Variants in DOK6 observed in about 807,000 individuals in gnomAD.
DOK6 encodes docking protein 6, also known as downstream of tyrosine kinase 6.
DOK6 carries 22 observed loss-of-function variants against 44.0 expected under a neutral mutation model. That is an observed-to-expected ratio of 0.50 (90% confidence interval 0.36 to 0.71). The LOEUF (loss-of-function observed/expected upper bound fraction) is 0.71. Ranked by LOEUF, DOK6 falls within the 30% of genes least tolerant of loss-of-function variation. The pLI, the probability that DOK6 is intolerant of heterozygous loss-of-function variation, is 0.00. For missense variants in DOK6, 340 were observed against 416.4 expected (o/e 0.82, Z 1.60); for synonymous variants, 166 against 145.5 (o/e 1.14, Z -1.01).
At chr18:69,416,933 T>A (rs1038450411) in intron 1 of DOK6, among the ~76,000 whole-genome samples, 28 of 152,148 alleles carry the variant, frequency 1.8e-4, no homozygotes, top group African/African-American at 6.5e-4. Flanking sequence ...AATTTTTAAA[T>A]TTTTTTATGT....
At chr18:69,602,508 G>A (rs1358312840) in intron 3 of DOK6, among the ~76,000 whole-genome samples, 1 of 152,116 alleles carries the variant, frequency 6.6e-6, no homozygotes, top group Non-Finnish European at 1.5e-5. Flanking sequence ...GTATATTGAT[G>A]GGATCTTGAA....
intron 3 of DOK6, among the ~76,000 whole-genome samples, chr18:69,640,836 C>T (rs1470929648): frequency 6.6e-6 from 1 of 152,130 alleles, no homozygotes; most frequent in Non-Finnish European, 1.5e-5. Context: ...ATAGTGGACT[C>T]TTCAATGCCA....
At chr18:69,757,213 G>C (rs1438298157) in intron 6 of DOK6, among the ~76,000 whole-genome samples, 1 of 152,146 alleles carries the variant, frequency 6.6e-6, no homozygotes, top group Non-Finnish European at 1.5e-5. Flanking sequence ...AAGGAAAAAG[G>C]TCTATTTGAG....
chr18:69,744,584 G>A (rs776570720), intron 6 of DOK6, among the ~76,000 whole-genome samples: 2 of 152,020 alleles, frequency 1.3e-5, no homozygotes, highest in Non-Finnish European at 2.9e-5. Flanking sequence ...ACTTACTGTT[G>A]TTCAGTTTCA....
intron 1 of DOK6, among the ~76,000 whole-genome samples, chr18:69,417,059 T>A (rs1029769846): frequency 9.2e-5 from 14 of 152,144 alleles, no homozygotes; most frequent in Non-Finnish European, 1.8e-4. Context: ...CTCAAACAGT[T>A]TTCATTTATT....
At chr18:69,682,844 C>T (rs1986073002) in intron 4 of DOK6, among the ~76,000 whole-genome samples, 1 of 152,194 alleles carries the variant, frequency 6.6e-6, no homozygotes, top group Admixed American at 6.5e-5. Flanking sequence ...GTAGCTTACA[C>T]TTTCCTTTTT....
chr18:69,627,488 C>G (rs1186110889), intron 3 of DOK6, among the ~76,000 whole-genome samples: 2 of 151,804 alleles, frequency 1.3e-5, no homozygotes, highest in African/African-American at 4.8e-5. Flanking sequence ...TCGCTTTGTC[C>G]CCCAGGCTGG....
At chr18:69,560,403 T>C (rs1568296662) in intron 1 of DOK6, among the ~76,000 whole-genome samples, 2 of 143,274 alleles carry the variant, frequency 1.4e-5, no homozygotes, top group African/African-American at 5.1e-5. Context: ...TGATGCCGAT[T>C]TTTTTTCTTT....
chr18:69,635,382 G>T lies in DOK6; in HGVS notation c.289+35884G>T, dbSNP rs564086002. Among the ~76,000 whole-genome samples the T allele has an allele frequency of 3.9e-5, 6 of 152,258 alleles. No homozygotes were observed. In the East Asian group the frequency reaches 9.6e-4, roughly 24 times the overall value. On this transcript the variant is annotated intron_variant, in intron 3 of 7. Coordinates refer to ENST00000382713, the MANE Select transcript of DOK6 (RefSeq NM_152721.6). ...GTTTTGCTCTGAGATGTGTATAAGC[G>T]TAATAATTCATCATTATATTGGCTT... is the stretch of plus-strand genomic sequence containing the variant.
In DOK6 at chr18:69,477,206, A is replaced by G. The variant is rs145773141; in HGVS notation, c.66+75896A>G. ...CGTTTGAAATAAACTTTAGAGCAACATTTATCTTTTGGGGGATCCTATCAG... is the reference window on the plus strand; with the variant it reads ...CGTTTGAAATAAACTTTAGAGCAACGTTTATCTTTTGGGGGATCCTATCAG... On this transcript the variant is annotated intron_variant, in intron 1 of 7. Transcript: ENST00000382713. 1.3e-3 allele frequency among the ~76,000 whole-genome samples: 203 copies of G among 152,256 alleles called. 1 individual carries two copies. The highest frequency in any genetic ancestry group is 1.6e-3 in the Non-Finnish European group (109 of 68,020).
At chr18:69,443,392 A>G (rs999340407) in intron 1 of DOK6, among the ~76,000 whole-genome samples, 3 of 152,140 alleles carry the variant, frequency 2.0e-5, no homozygotes, top group African/African-American at 4.8e-5. Context: ...ACTTCCGGCA[A>G]TGTGACCTCA....
chr18:69,617,604 C>A (rs1362394046), intron 3 of DOK6, among the ~76,000 whole-genome samples: 3 of 119,160 alleles, frequency 2.5e-5, no homozygotes, highest in South Asian at 5.4e-4. Flanking sequence ...AAAGACTGAG[C>A]GATAGGAGAA....
intron 5 of DOK6, among the ~76,000 whole-genome samples, chr18:69,710,137 C>T (rs564561317): frequency 2.2e-4 from 33 of 152,266 alleles, no homozygotes; most frequent in African/African-American, 7.7e-4. Flanking sequence ...CATGTTCATG[C>T]CACTGCACTC....
chr18:69,714,569 T>C (rs571328086), intron 5 of DOK6, among the ~76,000 whole-genome samples: 1 of 152,284 alleles, frequency 6.6e-6, no homozygotes, highest in East Asian at 1.9e-4. Flanking sequence ...AGAACAGAAA[T>C]TATGCTCTGT....
intron 4 of DOK6, among the ~76,000 whole-genome samples, chr18:69,692,491 G>A (rs907836731): frequency 2.0e-5 from 3 of 152,228 alleles, no homozygotes; most frequent in Admixed American, 1.3e-4. Flanking sequence ...TAAATACTGG[G>A]GTTTTTATCA....
At chr18:69,693,877 T>A (rs1392075390) in intron 4 of DOK6, among the ~76,000 whole-genome samples, 17 of 150,948 alleles carry the variant, frequency 1.1e-4, no homozygotes, top group Admixed American at 1.1e-3. Flanking sequence ...GCTAACACAG[T>A]GAAACCCCGC....
chr18:69,550,357 G>A (rs1982529657), intron 1 of DOK6, among the ~76,000 whole-genome samples: 2 of 151,840 alleles, frequency 1.3e-5, no homozygotes, highest in African/African-American at 4.8e-5. Context: ...TAAGATAAAA[G>A]CACCCATGGG....
At chr18:69,736,563 C>T (rs1332023363) in intron 5 of DOK6, among the ~76,000 whole-genome samples, 4 of 141,716 alleles carry the variant, frequency 2.8e-5, no homozygotes, top group Non-Finnish European at 6.6e-5. Flanking sequence ...TCAGGACAAA[C>T]ACACGTCATC....
chr18:69,557,315 A>C (rs146086038), intron 1 of DOK6, among the ~76,000 whole-genome samples: 1,722 of 152,304 alleles, frequency 0.011, 29 homozygotes, highest in African/African-American at 0.039. Context: ...GTGATAAAAC[A>C]GGCCCATTAA....
Sources: allele counts gnomAD v4.1 joint callset (sites outside exome capture counted in the v4.1 genomes callset), GRCh38; gene constraint gnomAD v4.1.1; transcripts MANE v1.5; gene names NCBI Gene and HGNC (gene_info 2026-07-23, HGNC 2026-07-21).